AEBP2: variants seen among roughly 807,000 people sequenced by gnomAD.
AEBP2 encodes zinc finger protein AEBP2.
A neutral mutation model predicts 50.8 loss-of-function variants in AEBP2; 10 were observed. The observed-to-expected ratio is 0.20, with a 90% confidence interval of 0.12 to 0.33. AEBP2 has a LOEUF of 0.33. Among genes scored for constraint, AEBP2 ranks in the 10% least tolerant of loss-of-function variants. The probability of loss-of-function intolerance (pLI) is 1.00; values close to 1 mark genes in which losing one functional copy is unlikely to be tolerated. For synonymous variants in AEBP2, 296 were observed against 261.3 expected, an observed-to-expected ratio of 1.13 and a Z score of -1.28; for missense variants, 570 against 688.0, an observed-to-expected ratio of 0.83 and a Z score of 1.92.
intron 1 of AEBP2, among the ~76,000 whole-genome samples, chr12:19,454,712 A>G (rs1203054900): frequency 6.6e-6 from 1 of 152,086 alleles, no homozygotes; most frequent in Non-Finnish European, 1.5e-5. Context: ...CGGCACATAC[A>G]CTAAAAAAAA....
intron 1 of AEBP2, among the ~76,000 whole-genome samples, chr12:19,446,732 CAAAAAA>C (rs34624474): frequency 8.7e-6 from 1 of 115,054 alleles, no homozygotes. Flanking sequence ...ACTCCGTTTC[CAAAAAA>C]AAAAAAAAAA....
intron 1 of AEBP2, chr12:19,456,532 T>C (rs1948272673): frequency 1.3e-6 from 2 of 1,526,624 alleles, no homozygotes; most frequent in Non-Finnish European, 1.8e-6. Flanking sequence ...TTGCATGCAG[T>C]GTGAGCCGTG....
chr12:19,435,904 C>T (rs568181020), upstream of AEBP2, among the ~76,000 whole-genome samples: 55 of 152,232 alleles, frequency 3.6e-4, no homozygotes, highest in South Asian at 1.9e-3. Context: ...AAGTATGGTG[C>T]TTTGGCATGC....
chr12:19,498,224 A>G (rs921967967), intron 4 of AEBP2, among the ~76,000 whole-genome samples: 1 of 152,210 alleles, frequency 6.6e-6, no homozygotes, highest in African/African-American at 2.4e-5. Context: ...GCTTGGAGAA[A>G]GTTACACATT....
At chr12:19,505,950 A>T (rs2120556142) in intron 5 of AEBP2, among the ~76,000 whole-genome samples, 1 of 149,964 alleles carries the variant, frequency 6.7e-6, no homozygotes, top group Non-Finnish European at 1.5e-5. Flanking sequence ...TAATTTTTTG[A>T]GTTTTTTTTT....
intron 1 of AEBP2, among the ~76,000 whole-genome samples, chr12:19,432,108 A>G (rs1051182220): frequency 7.9e-5 from 12 of 152,132 alleles, no homozygotes; most frequent in African/African-American, 2.4e-4. Flanking sequence ...CCTGGAACAG[A>G]ACTCATTTTA....
chr12:19,456,420 AC>A, intron 1 of AEBP2: 2 of 1,396,120 alleles, frequency 1.4e-6, no homozygotes, highest in East Asian at 4.6e-5. Context: ...CTTGCCAGGA[AC>A]CATATCAACG....
intron 1 of AEBP2, chr12:19,457,520 C>G (rs974916756): frequency 4.6e-5 from 69 of 1,486,546 alleles, no homozygotes; most frequent in Admixed American, 2.0e-5. Context: ...CAGCCTCCTT[C>G]TCAATTTTTT....
intron 3 of AEBP2, among the ~76,000 whole-genome samples, chr12:19,484,088 T>A (rs914713514): frequency 7.9e-5 from 12 of 152,132 alleles, no homozygotes; most frequent in African/African-American, 2.9e-4. Context: ...GTTTGTTTGT[T>A]TTTTGTTGGG....
chr12:19,518,577 A>G lies in AEBP2; in HGVS notation c.*460A>G. 1.5e-6 allele frequency: 2 copies of G among 1,364,662 alleles called. No homozygotes were observed. The highest frequency in any genetic ancestry group is 1.9e-6 in the Non-Finnish European group (2 of 1,038,320). 84.5% of individuals were successfully genotyped at this position (1,364,662 alleles called of 1,614,324 possible). A position where few individuals can be genotyped will look rare whatever the true frequency, so the allele number is the denominator to read the frequency against. On this transcript the variant is annotated 3_prime_UTR_variant, in exon 8 of 8. Coordinates refer to ENST00000266508, the MANE Select transcript of AEBP2 (RefSeq NM_153207.5). Reference sequence around the variant, plus strand: ...ACAGTGTTTATTGATTTGAAGTCATATTAGGAAATATTTAGACAATGAAAA... The same window carrying G: ...ACAGTGTTTATTGATTTGAAGTCATGTTAGGAAATATTTAGACAATGAAAA...
At chr12:19,514,607 G>T in intron 6 of AEBP2, 64 bp from the exon 7 acceptor site, 3 of 1,241,670 alleles carry the variant, frequency 2.4e-6, no homozygotes, top group Non-Finnish European at 3.4e-6. Context: ...GAATGTGAAG[G>T]CACATGGAAG....
intron 1 of AEBP2, among the ~76,000 whole-genome samples, chr12:19,412,885 G>A (rs181129923): frequency 3.3e-5 from 5 of 152,288 alleles, no homozygotes; most frequent in Admixed American, 6.5e-5. Context: ...CCGGGGGCCC[G>A]GTCCCTGGCG....
At chr12:19,430,877 G>A (rs1436026021) in intron 1 of AEBP2, among the ~76,000 whole-genome samples, 1 of 151,978 alleles carries the variant, frequency 6.6e-6, no homozygotes, top group Non-Finnish European at 1.5e-5. Flanking sequence ...GAGATTTTTA[G>A]CTGGGTGTGA....
chr12:19,471,053 C>T (rs150819782), intron 2 of AEBP2, among the ~76,000 whole-genome samples: 5 of 147,264 alleles, frequency 3.4e-5, no homozygotes, highest in African/African-American at 1.2e-4. Flanking sequence ...AATTTTAAAC[C>T]AACCCCTGAT....
intron 2 of AEBP2, among the ~76,000 whole-genome samples, chr12:19,469,838 A>C (rs1320925091): frequency 6.6e-6 from 1 of 152,170 alleles, no homozygotes; most frequent in Admixed American, 6.6e-5. Flanking sequence ...CCTGTGTCTT[A>C]TTCTGTTAAA....
At position 19,449,081 on chromosome 12, in the gene AEBP2, A is replaced by G. The variant is rs371912292; in HGVS notation, c.671+8711A>G. Among the ~76,000 whole-genome samples, 157 of 152,230 alleles carry G rather than the reference A, an allele frequency of 1.0e-3. 1 individual carries two copies. Among genetic ancestry groups the G allele is most frequent in the African/African-American group, 3.6e-3 (151 of 41,518 alleles). The stretch of plus-strand genomic sequence containing the variant: ...TAATCTTGGAAATTGTTATATCAAC[A>G]TGTGTTTTGAGGTGTTCAGTCAAGA... On this transcript the variant is annotated intron_variant, in intron 1 of 7. Coordinates refer to ENST00000266508, the MANE Select transcript of AEBP2 (RefSeq NM_153207.5).
chr12:19,486,323 C>T (rs1163097397), intron 3 of AEBP2, among the ~76,000 whole-genome samples: 1 of 152,094 alleles, frequency 6.6e-6, no homozygotes, highest in Admixed American at 6.6e-5. Context: ...TGTAGTATTC[C>T]ACTGTACAGA....
At chr12:19,437,079 C>T (rs1947867630), upstream of AEBP2, among the ~76,000 whole-genome samples, 1 of 152,202 alleles carries the variant, frequency 6.6e-6, no homozygotes, top group African/African-American at 2.4e-5. Context: ...TCTGCCTTCT[C>T]ATTTGAAGAC....
intron 1 of AEBP2, among the ~76,000 whole-genome samples, chr12:19,404,469 C>CA (rs2095735010): frequency 6.6e-6 from 1 of 152,190 alleles, no homozygotes; most frequent in African/African-American, 2.4e-5. Flanking sequence ...GGGTGCTACC[C>CA]ACTGCTTCTT....
Sources: gnomAD v4.1 joint callset for allele counts (sites outside exome capture counted in the v4.1 genomes callset) on GRCh38, gnomAD v4.1.1 for gene constraint, MANE v1.5 for transcripts, NCBI Gene and HGNC (gene_info 2026-07-23, HGNC 2026-07-21) for gene names.